Variants in APBA2 observed in about 807,000 individuals in gnomAD.
The protein encoded by APBA2 is amyloid-beta A4 precursor protein-binding family A member 2.
In APBA2, 30 loss-of-function variants were observed where a neutral mutation model predicts 75.0. The observed-to-expected ratio is 0.40, with a 90% confidence interval of 0.30 to 0.54. The LOEUF (loss-of-function observed/expected upper bound fraction) is 0.54, where lower values mean the gene tolerates loss of function less well. Ranked by LOEUF, APBA2 falls within the 20% of genes least tolerant of loss-of-function variation. The probability of loss-of-function intolerance (pLI) is 0.49; values close to 1 mark genes in which losing one functional copy is unlikely to be tolerated. For missense variants in APBA2, 801 were observed against 1,016.1 expected (o/e 0.79, Z 2.88); for synonymous variants, 444 against 409.6 (o/e 1.08, Z -1.01).
chr15:28,943,626 C>T (rs1022030328), intron 2 of APBA2, among the ~76,000 whole-genome samples: 3 of 152,146 alleles, frequency 2.0e-5, no homozygotes, highest in Non-Finnish European at 2.9e-5. Flanking sequence ...TTCTGAGTGG[C>T]GGGAAGCTTT....
chr15:28,966,231 C>T (rs2036729993), intron 2 of APBA2, among the ~76,000 whole-genome samples: 2 of 152,192 alleles, frequency 1.3e-5, no homozygotes, highest in African/African-American at 2.4e-5. Flanking sequence ...GATGGTGTTG[C>T]ACACTTCTGT....
intron 1 of APBA2, among the ~76,000 whole-genome samples, chr15:28,900,331 G>A (rs917553392): frequency 2.0e-5 from 3 of 152,146 alleles, no homozygotes; most frequent in African/African-American, 7.2e-5. Context: ...TCGTGGTGAC[G>A]GCAGCATTGG....
At chr15:28,980,598 G>A (rs759116672) in intron 2 of APBA2, among the ~76,000 whole-genome samples, 13 of 152,318 alleles carry the variant, frequency 8.5e-5, no homozygotes, top group Non-Finnish European at 1.6e-4. Flanking sequence ...AATCAATATT[G>A]TTAAAATGAC....
intron 13 of APBA2, among the ~76,000 whole-genome samples, chr15:29,112,555 G>A (rs528692990): frequency 1.3e-5 from 2 of 152,136 alleles, no homozygotes; most frequent in Admixed American, 1.3e-4. Context: ...CCTTTCTCCA[G>A]GATAAGAGGG....
chr15:29,108,150 G>C (rs765321496), intron 12 of APBA2, 120 bp from the exon 13 acceptor site: 47 of 1,438,930 alleles, frequency 3.3e-5, no homozygotes, highest in Non-Finnish European at 4.3e-5. Flanking sequence ...GGGACTGCCT[G>C]CCTCTCCCAT....
intron 1 of APBA2, among the ~76,000 whole-genome samples, chr15:28,897,212 C>T (rs753197319): frequency 6.6e-6 from 1 of 150,608 alleles, no homozygotes; most frequent in East Asian, 2.0e-4. Context: ...CACACACACA[C>T]GTCCACTAAA....
intron 3 of APBA2, among the ~76,000 whole-genome samples, chr15:28,997,673 G>A (rs1427128139): frequency 1.3e-5 from 2 of 152,196 alleles, no homozygotes; most frequent in African/African-American, 2.4e-5. Context: ...TTTCCTTATG[G>A]AACCTGGGGT....
At chr15:29,055,668 A>AGTGTGTGTGTGTGTGTGT (rs57671107) in intron 4 of APBA2, among the ~76,000 whole-genome samples, 38 of 127,534 alleles carry the variant, frequency 3.0e-4, no homozygotes, top group East Asian at 2.9e-3. Flanking sequence ...CATGAATTTG[A>AGTGTGTGTGTGTGTGTGT]GTGTGTGTGT....
At chr15:28,996,342 G>A (rs1416137851) in intron 3 of APBA2, among the ~76,000 whole-genome samples, 3 of 152,150 alleles carry the variant, frequency 2.0e-5, no homozygotes, top group Non-Finnish European at 2.9e-5. Context: ...ATAAAAAGAG[G>A]CCTCCTCATC....
At chr15:29,033,881 C>T (rs1228491616) in intron 3 of APBA2, among the ~76,000 whole-genome samples, 2 of 142,920 alleles carry the variant, frequency 1.4e-5, no homozygotes, top group South Asian at 2.3e-4. Flanking sequence ...AGGAGAATGG[C>T]GTTAACCCAG....
At chr15:29,036,719 A>G (rs1159089867) in intron 3 of APBA2, among the ~76,000 whole-genome samples, 1 of 152,200 alleles carries the variant, frequency 6.6e-6, no homozygotes, top group African/African-American at 2.4e-5. Context: ...ACATTTGTTT[A>G]GGAGTTGTGC....
chr15:28,948,019 G>A (rs1488635047), intron 2 of APBA2, among the ~76,000 whole-genome samples: 3 of 152,202 alleles, frequency 2.0e-5, no homozygotes, highest in Non-Finnish European at 4.4e-5. Flanking sequence ...GTGTTAGGGA[G>A]CCAGTTCTCC....
chr15:29,105,008 G>A (rs867706844), intron 10 of APBA2, among the ~76,000 whole-genome samples: 4 of 151,616 alleles, frequency 2.6e-5, no homozygotes, highest in African/African-American at 9.7e-5. Flanking sequence ...ACCTCATCTC[G>A]AAAGAAAAAA....
chr15:29,096,839 G>A (rs760049308), intron 8 of APBA2, among the ~76,000 whole-genome samples: 3 of 152,216 alleles, frequency 2.0e-5, no homozygotes, highest in Non-Finnish European at 4.4e-5. Flanking sequence ...TATTCACCTC[G>A]GTGGGCAAAC....
chr15:28,918,637 G>C lies in APBA2; in HGVS notation c.-204-3003G>C, dbSNP rs1200524182. On this transcript the variant is annotated intron_variant, in intron 1 of 14. Coordinates refer to ENST00000683413, the MANE Select transcript of APBA2 (RefSeq NM_001353788.2). The surrounding 1 kb of genome is among the most constrained non-coding windows in gnomAD (Gnocchi z 4.2). The stretch of plus-strand genomic sequence containing the variant: ...GGGTGTGGTGGGGTTGGGGGTGGGG[G>C]TGGGGCTGGGGGTGGTTGCAGCGGG... Among the ~76,000 whole-genome samples, 1 of 151,236 alleles carries C rather than the reference G, an allele frequency of 6.6e-6. No homozygotes were observed. The highest frequency in any genetic ancestry group is 1.5e-5 in the Non-Finnish European group (1 of 67,784).
At chr15:28,888,202 G>A (rs141342345) in intron 1 of APBA2, among the ~76,000 whole-genome samples, 28 of 152,320 alleles carry the variant, frequency 1.8e-4, no homozygotes, top group African/African-American at 6.7e-4. Flanking sequence ...TTGTGAAATG[G>A]AGGTGCATAA....
intron 11 of APBA2, 76 bp from the exon 12 acceptor site, chr15:29,106,531 T>C: frequency 6.6e-7 from 1 of 1,507,226 alleles, no homozygotes; most frequent in Non-Finnish European, 9.2e-7. Context: ...AGGGTCAGCC[T>C]CATCCTCCTG....
At chr15:28,898,087 C>T (rs957820360) in intron 1 of APBA2, among the ~76,000 whole-genome samples, 12 of 152,182 alleles carry the variant, frequency 7.9e-5, no homozygotes, top group African/African-American at 1.2e-4. Flanking sequence ...CTGGACAGGG[C>T]CAGGTAAAGG....
Position 29,093,027 on chromosome 15 carries a change from C to T in APBA2, c.1070-48C>T, listed in dbSNP as rs753896145. On this transcript the variant is annotated intron_variant, in intron 6 of 14. Coordinates refer to ENST00000683413, the MANE Select transcript of APBA2 (RefSeq NM_001353788.2). ...TGGCCAGGCATGCAAGTTCTTTGTT[C>T]AGGGGACTTCTCCTCTAGGAAGACT... 4 of 1,612,438 alleles carry T rather than the reference C, an allele frequency of 2.5e-6. No individual in the cohort carries two copies. In the East Asian group the frequency reaches 8.9e-5, roughly 36 times the overall value.
Sources: gnomAD v4.1 joint callset for allele counts (sites outside exome capture counted in the v4.1 genomes callset) on GRCh38, gnomAD v4.1.1 for gene constraint, Gnocchi (gnomAD v3.1) non-coding constraint, MANE v1.5 for transcripts, NCBI Gene and HGNC (gene_info 2026-07-23, HGNC 2026-07-21) for gene names.